Variants in PKD1L1 observed in about 807,000 individuals in gnomAD.
PKD1L1 encodes polycystin-1-like protein 1.
PKD1L1 carries 236 observed loss-of-function variants against 323.4 expected under a neutral mutation model. That is an observed-to-expected ratio of 0.73 (90% CI 0.66 to 0.81). The LOEUF (loss-of-function observed/expected upper bound fraction) is 0.81, where lower values mean the gene tolerates loss of function less well. Among genes scored for constraint, PKD1L1 ranks in the 40% least tolerant of loss-of-function variants. PKD1L1 has a pLI of 0.00. For missense variants in PKD1L1, 3,320 were observed against 3,508.0 expected (o/e 0.95, Z 1.35); for synonymous variants, 1,344 against 1,335.0 (o/e 1.01, Z -0.15).
intron 46 of PKD1L1, among the ~76,000 whole-genome samples, chr7:47,820,446 C>T (rs531332634): frequency 6.6e-6 from 1 of 152,084 alleles, no homozygotes; most frequent in Non-Finnish European, 1.5e-5. Context: ...AACTGAAGGC[C>T]GGGCGTAGTG....
At chr7:47,878,596 A>G (rs181995006) in intron 21 of PKD1L1, among the ~76,000 whole-genome samples, 1 of 152,344 alleles carries the variant, frequency 6.6e-6, no homozygotes, top group Non-Finnish European at 1.5e-5. Context: ...AACCCAGGAG[A>G]AAAGGATGAT....
intron 2 of PKD1L1, 112 bp from the exon 3 acceptor site, chr7:47,940,429 T>C: frequency 9.3e-7 from 1 of 1,072,114 alleles, no homozygotes. Flanking sequence ...CACCTGGGCC[T>C]AACAACGGGC....
At chr7:47,781,409 GTTTTT>G in intron 56 of PKD1L1, among the ~76,000 whole-genome samples, 1 of 71,776 alleles carries the variant, frequency 1.4e-5, no homozygotes. Flanking sequence ...GTTTTGTTTT[GTTTTT>G]TTTTTTTTTT....
chr7:47,952,658 C>T (rs958336854), upstream of PKD1L1, among the ~76,000 whole-genome samples: 3 of 152,206 alleles, frequency 2.0e-5, no homozygotes, highest in Non-Finnish European at 4.4e-5. Flanking sequence ...TGTCAATCAT[C>T]TGTGAGGCTC....
At chr7:47,915,086 T>A (rs938204872) in intron 8 of PKD1L1, among the ~76,000 whole-genome samples, 1 of 152,176 alleles carries the variant, frequency 6.6e-6, no homozygotes, top group African/African-American at 2.4e-5. Flanking sequence ...CATGTGAAAA[T>A]TTTAAATGTA....
At chr7:47,807,392 TG>T (rs1455144781) in intron 52 of PKD1L1, among the ~76,000 whole-genome samples, 1 of 151,980 alleles carries the variant, frequency 6.6e-6, no homozygotes, top group African/African-American at 2.4e-5. Flanking sequence ...AGGGAGGTTG[TG>T]GGGCAGATGA....
the PKD1L1 span, among the ~76,000 whole-genome samples, chr7:47,958,789 CTCTCCCTCTCCCTCTCCCCACGG>C: frequency 5.8e-3 from 885 of 151,880 alleles, 13 homozygotes; most frequent in African/African-American, 0.02. Flanking sequence ...AGCCCTCTCC[CTCTCCCTCTCCCTCTCCCCACGG>C]TCTCCCTCTC....
intron 55 of PKD1L1, chr7:47,795,401 A>G: frequency 2.2e-6 from 1 of 454,358 alleles, no homozygotes; most frequent in East Asian, 7.0e-5. Context: ...AGTGCCTTTC[A>G]CCTCCCACCA....
chr7:47,945,778 C>T (rs1788081145), intron 1 of PKD1L1, among the ~76,000 whole-genome samples: 1 of 152,142 alleles, frequency 6.6e-6, no homozygotes, highest in South Asian at 2.1e-4. Flanking sequence ...GGTTAGATAG[C>T]CCTGGCACCC....
intron 2 of PKD1L1, among the ~76,000 whole-genome samples, chr7:47,942,971 C>A (rs991025435): frequency 1.3e-5 from 2 of 151,774 alleles, no homozygotes; most frequent in African/African-American, 4.8e-5. Context: ...ACGGTGAAAC[C>A]CTGTCTCTAC....
chr7:47,798,366 T>C (rs927379038), intron 54 of PKD1L1, among the ~76,000 whole-genome samples: 1 of 152,260 alleles, frequency 6.6e-6, no homozygotes, highest in Non-Finnish European at 1.5e-5. Flanking sequence ...GATATTCATT[T>C]ATAAAAAACA....
chr7:47,867,178 C>T (rs531397605), intron 24 of PKD1L1, among the ~76,000 whole-genome samples: 1 of 152,188 alleles, frequency 6.6e-6, no homozygotes, highest in South Asian at 2.1e-4. Context: ...CTGGACACAC[C>T]GCAGTGGGTC....
chr7:47,774,986 G>T lies in PKD1L1; in HGVS notation c.*157C>A. On this transcript the variant is annotated 3_prime_UTR_variant, in exon 57 of 57. Coordinates refer to ENST00000289672, the MANE Select transcript of PKD1L1 (RefSeq NM_138295.5). ...CAGATAAACCTTGATTTTCATCCTG[G>T]TTTCCCATTTACTTGTTACGTGAAC... 1.4e-6 allele frequency: 1 copy of T among 734,410 alleles called. No individual in the cohort carries two copies. The highest frequency in any genetic ancestry group is 2.3e-6 in the Non-Finnish European group (1 of 425,554). 45.5% of individuals were successfully genotyped at this position (734,410 alleles called of 1,614,324 possible). A position where few individuals can be genotyped will look rare whatever the true frequency, so the allele number is the denominator to read the frequency against.
Position 47,885,870 on chromosome 7 carries a change from T to TC in PKD1L1, c.3020dup (p.Thr1008AsnfsTer48), listed in dbSNP as rs751487085. Reference sequence around the variant, plus strand: ...CTCCAGTCATGGGCTCTGTGGGGGTTCCCCTTGGAGCTGAAGTGGCAGGTT... The same window carrying TC: ...CTCCAGTCATGGGCTCTGTGGGGGTTCCCCCTTGGAGCTGAAGTGGCAGGTT... On this transcript the variant is annotated frameshift_variant, in exon 18 of 57. Coordinates refer to ENST00000289672, the MANE Select transcript of PKD1L1 (RefSeq NM_138295.5). LOFTEE classifies it high-confidence loss of function. The TC allele has an allele frequency of 6.2e-7, 1 of 1,614,144 alleles. No individual in the cohort carries two copies. The highest frequency in any genetic ancestry group is 8.5e-7 in the Non-Finnish European group (1 of 1,180,012).
chr7:47,898,141 G>A lies in PKD1L1; in HGVS notation c.2118C>T (p.Phe706=). The A allele has an allele frequency of 6.2e-7, 1 of 1,614,190 alleles. No individual in the cohort carries two copies. The highest frequency in any genetic ancestry group is 2.2e-5 in the East Asian group (1 of 44,888). ...AAGAAAGACCTTGGGAAATATCACA[G>A]AAGACTGCAGCTTCAAACGTCACTC... The part of the protein sequence containing the change: ...RLGVTFEAAV[F]CDISQGLSYT... Residue 706 remains phenylalanine, a synonymous_variant, in exon 14 of 57, where the codon TTC becomes TTT. Transcript: ENST00000289672.
intron 36 of PKD1L1, among the ~76,000 whole-genome samples, chr7:47,837,802 T>C (rs572716478): frequency 1.3e-5 from 2 of 152,296 alleles, no homozygotes; most frequent in South Asian, 2.1e-4. Flanking sequence ...GGCTCAATAT[T>C]GTTCTAGAAA....
Position 47,837,109 on chromosome 7 carries a change from A to G in PKD1L1, c.5770-15T>C. Reference sequence around the variant, plus strand: ...CAATAGAAAAGCTGAAACGGAAAGCAGGAGAAGTGTTCCCTGACATGGAGC... The same window carrying G: ...CAATAGAAAAGCTGAAACGGAAAGCGGGAGAAGTGTTCCCTGACATGGAGC... On this transcript the variant is annotated splice_polypyrimidine_tract_variant and intron_variant, in intron 36 of 56. Coordinates refer to ENST00000289672, the MANE Select transcript of PKD1L1 (RefSeq NM_138295.5). 1 of 1,613,286 alleles carries G rather than the reference A, an allele frequency of 6.2e-7. No individual in the cohort carries two copies. Among genetic ancestry groups the G allele is most frequent in the Non-Finnish European group, 8.5e-7 (1 of 1,179,318 alleles).
In PKD1L1 at chr7:47,831,203, ACTCTACAG is replaced by A. The variant is rs747683485; in HGVS notation, c.6473+6_6473+13del. 1 of 1,602,342 alleles carries A rather than the reference ACTCTACAG, an allele frequency of 6.2e-7. No individual in the cohort carries two copies. Among genetic ancestry groups the A allele is most frequent in the Admixed American group, 1.8e-5 (1 of 56,954 alleles). On this transcript the variant is annotated splice_donor_region_variant and intron_variant, in intron 42 of 56. Coordinates refer to ENST00000289672, the MANE Select transcript of PKD1L1 (RefSeq NM_138295.5). ...CTGAGGACCTGAGGATGTTTGAAAA[ACTCTACAG>A]CTCACCTGTAGGCTAGAAATCCTGT... is the stretch of plus-strand genomic sequence containing the variant.
At chr7:47,833,011 C>T in intron 41 of PKD1L1, 79 bp downstream of exon 41, 4 of 1,498,824 alleles carry the variant, frequency 2.7e-6, no homozygotes, top group Non-Finnish European at 3.6e-6. Flanking sequence ...AATTGTGACT[C>T]TGCTTGCCCT....
Sources: allele counts gnomAD v4.1 joint callset (sites outside exome capture counted in the v4.1 genomes callset), GRCh38; gene constraint gnomAD v4.1.1; transcripts MANE v1.5; gene names NCBI Gene and HGNC (gene_info 2026-07-23, HGNC 2026-07-21).